The following DGKB variants were observed in gnomAD, a reference collection of about 807,000 sequenced individuals.
DGKB encodes diacylglycerol kinase beta, also known as 90 kDa diacylglycerol kinase.
A neutral mutation model predicts 114.3 loss-of-function variants in DGKB; 67 were observed. The ratio of observed to expected loss-of-function variants is 0.59; its 90% CI spans 0.48 to 0.72. The LOEUF (loss-of-function observed/expected upper bound fraction) is 0.72, where lower values mean the gene tolerates loss of function less well. DGKB is among the 30% of genes least tolerant of loss of function. The pLI, the probability that DGKB is intolerant of heterozygous loss-of-function variation, is 0.00. For synonymous variants in DGKB, 398 were observed against 323.1 expected, an observed-to-expected ratio of 1.23 and a Z score of -2.49; for missense variants, 907 against 975.2, an observed-to-expected ratio of 0.93 and a Z score of 0.93.
In DGKB at chr7:14,157,360, A is replaced by G. The variant is rs924602534; in HGVS notation, c.2305-8122T>C. The stretch of plus-strand genomic sequence containing the variant: ...AAGCAATGAAACATAACAATTTTCT[A>G]AAATCCTTTTGCCAGTTTTTTTTTT... On this transcript the variant is annotated intron_variant, in intron 25 of 25. Coordinates refer to ENST00000402815, the MANE Select transcript of DGKB (RefSeq NM_001350709.2). Among the ~76,000 whole-genome samples the G allele has an allele frequency of 3.9e-5, 5 of 128,878 alleles. No homozygotes were observed. The East Asian group carries it at 1.2e-3, about 32-fold the overall frequency. The allele number at this position is 128,878 out of a possible 152,430, so 84.5% of individuals were successfully genotyped here.
chr7:14,553,730 C>A (rs1584770227), intron 20 of DGKB, among the ~76,000 whole-genome samples: 1 of 152,176 alleles, frequency 6.6e-6, no homozygotes, highest in Admixed American at 6.5e-5. Flanking sequence ...ACAGTCCCAC[C>A]ACATTTTAAA....
At chr7:14,313,688 G>C (rs994386630) in intron 23 of DGKB, among the ~76,000 whole-genome samples, 3 of 152,000 alleles carry the variant, frequency 2.0e-5, no homozygotes, top group Non-Finnish European at 4.4e-5. Context: ...ACTGCAAGGC[G>C]GCAGCGAGGC....
chr7:14,769,133 GAGAAAGAA>G (rs1285648080), intron 2 of DGKB, among the ~76,000 whole-genome samples: 1 of 122,466 alleles, frequency 8.2e-6, no homozygotes, highest in South Asian at 2.6e-4. Context: ...AAGAGAGAGA[GAGAAAGAA>G]AGAAAGAAAG....
In DGKB at chr7:14,434,307, T is replaced by C. The variant is rs182813206; in HGVS notation, c.1835+43854A>G. ...TCTACAACCTATAAATATGTTTCCC[T>C]ATATAGTAAAGTGGGCTTTGAAGAT... On this transcript the variant is annotated intron_variant, in intron 21 of 25. Coordinates refer to ENST00000402815, the MANE Select transcript of DGKB (RefSeq NM_001350709.2). Among the ~76,000 whole-genome samples, 818 of 152,266 alleles carry C rather than the reference T, an allele frequency of 5.4e-3. 10 individuals carry two copies. Among genetic ancestry groups the C allele is most frequent in the Non-Finnish European group, 9.6e-3 (656 of 68,020 alleles).
At chr7:14,354,763 G>A (rs564238510) in intron 21 of DGKB, among the ~76,000 whole-genome samples, 2 of 152,206 alleles carry the variant, frequency 1.3e-5, no homozygotes, top group Admixed American at 1.3e-4. Flanking sequence ...ATAATTAATA[G>A]GATGTCTTAA....
intron 23 of DGKB, among the ~76,000 whole-genome samples, chr7:14,238,656 T>A (rs370376699): frequency 4.6e-5 from 7 of 151,978 alleles, no homozygotes; most frequent in Non-Finnish European, 2.9e-5. Context: ...GTTGTTGTCT[T>A]CTGTAGAGAG....
rs13307856 is a variant in DGKB, at chr7:14,359,841, C to A, written c.1836-14450G>T. Among the ~76,000 whole-genome samples, 3 of 152,014 alleles carry A rather than the reference C, an allele frequency of 2.0e-5. No homozygotes were observed. In the South Asian group the frequency reaches 6.2e-4, roughly 32 times the overall value. On this transcript the variant is annotated intron_variant, in intron 21 of 25. Coordinates refer to ENST00000402815, the MANE Select transcript of DGKB (RefSeq NM_001350709.2). ...AGATGCTGGAGAGGACGTGGAGAAA[C>A]AGGAATGCTTTTACACTGGTGGTGG... is the stretch of plus-strand genomic sequence containing the variant.
chr7:14,192,327 C>T, intron 23 of DGKB, among the ~76,000 whole-genome samples: 1 of 152,094 alleles, frequency 6.6e-6, no homozygotes, highest in African/African-American at 2.4e-5. Flanking sequence ...ATAGTGAACT[C>T]GCTGAAAAAG....
Position 14,697,844 on chromosome 7 carries a change from G to T in DGKB, c.591+251C>A, listed in dbSNP as rs191401280. On this transcript the variant is annotated intron_variant, in intron 8 of 25. Coordinates refer to ENST00000402815, the MANE Select transcript of DGKB (RefSeq NM_001350709.2). ...AAGGAGAGAGAGAGAAGGAAGGAAG[G>T]GAGAGAGAGAAGGAAGGAAGGAAGG... 3.0e-3 allele frequency among the ~76,000 whole-genome samples: 429 copies of T among 140,740 alleles called. 1 individual carries two copies. The highest frequency in any genetic ancestry group is 0.026 in the Middle Eastern group (6 of 230). 92.3% of individuals were successfully genotyped at this position (140,740 alleles called of 152,430 possible). A position where few individuals can be genotyped will look rare whatever the true frequency, so the allele number is the denominator to read the frequency against.
At position 14,859,079 on chromosome 7, in the gene DGKB, G is replaced by GGA. The variant is rs1250118561; in HGVS notation, c.-187-17631_-187-17630dup. ...GGAAGTGGAATCAAAGTCTGACCTGGGATTATGTGTTGTTCACCAGGAGCA... is the reference window on the plus strand; with the variant it reads ...GGAAGTGGAATCAAAGTCTGACCTGGGAGATTATGTGTTGTTCACCAGGAGCA... On this transcript the variant is annotated intron_variant, in intron 1 of 25. Coordinates refer to ENST00000402815, the MANE Select transcript of DGKB (RefSeq NM_001350709.2). 5.9e-5 allele frequency among the ~76,000 whole-genome samples: 9 copies of GGA among 152,176 alleles called. No homozygotes were observed. The East Asian group carries it at 1.5e-3, about 26-fold the overall frequency.
Position 14,404,577 on chromosome 7 carries a change from C to A in DGKB, c.1836-59186G>T, listed in dbSNP as rs138489026. 4.2e-3 allele frequency among the ~76,000 whole-genome samples: 644 copies of A among 152,000 alleles called. 6 individuals carry two copies. The highest frequency in any genetic ancestry group is 0.01 in the Middle Eastern group (3 of 294). On this transcript the variant is annotated intron_variant, in intron 21 of 25. Transcript: ENST00000402815. ...ACATTTACCGAGTAGCCACTCTGTGCCAGAATCTAAGCCTAATTATGGAAA... is the reference window on the plus strand; with the variant it reads ...ACATTTACCGAGTAGCCACTCTGTGACAGAATCTAAGCCTAATTATGGAAA...
intron 23 of DGKB, among the ~76,000 whole-genome samples, chr7:14,273,560 A>G (rs932080454): frequency 1.3e-5 from 2 of 152,202 alleles, no homozygotes; most frequent in Admixed American, 6.5e-5. Flanking sequence ...ACATTGTTGT[A>G]TTGACACAAG....
chr7:14,454,470 T>C (rs1013376200), intron 21 of DGKB, among the ~76,000 whole-genome samples: 3 of 152,110 alleles, frequency 2.0e-5, no homozygotes, highest in African/African-American at 7.2e-5. Context: ...TGTGAGATTG[T>C]CTTAAGAAAA....
intron 1 of DGKB, among the ~76,000 whole-genome samples, chr7:14,884,594 T>C (rs562626753): frequency 1.1e-3 from 171 of 152,076 alleles, no homozygotes; most frequent in Admixed American, 4.0e-3. Context: ...CTCTGCTCCT[T>C]GAGCACATTT....
intron 21 of DGKB, among the ~76,000 whole-genome samples, chr7:14,474,794 A>C (rs1781927278): frequency 6.6e-6 from 1 of 151,156 alleles, no homozygotes; most frequent in Non-Finnish European, 1.5e-5. Context: ...TTATGTAATA[A>C]ATAGTTTAAA....
intron 1 of DGKB, among the ~76,000 whole-genome samples, chr7:14,953,152 T>C (rs1786302939): frequency 6.6e-6 from 1 of 152,080 alleles, no homozygotes; most frequent in African/African-American, 2.4e-5. Flanking sequence ...GATTTGCCAA[T>C]AGCTTCTTAG....
intron 21 of DGKB, among the ~76,000 whole-genome samples, chr7:14,448,641 C>T (rs1831047018): frequency 6.6e-6 from 1 of 151,854 alleles, no homozygotes; most frequent in African/African-American, 2.4e-5. Flanking sequence ...AATACTTTTG[C>T]AAAAAACAAG....
chr7:14,364,021 T>C (rs1016606310), intron 21 of DGKB, among the ~76,000 whole-genome samples: 4 of 152,088 alleles, frequency 2.6e-5, no homozygotes, highest in Non-Finnish European at 5.9e-5. Flanking sequence ...CAAGTTTCTA[T>C]AGTACAGGTC....
intron 23 of DGKB, among the ~76,000 whole-genome samples, chr7:14,204,906 C>T (rs1368095832): frequency 6.6e-6 from 1 of 151,960 alleles, no homozygotes; most frequent in Non-Finnish European, 1.5e-5. Flanking sequence ...TATTTGGAAA[C>T]ACTTTAAGCA....
Sources: gnomAD v4.1 joint callset for allele counts (sites outside exome capture counted in the v4.1 genomes callset) on GRCh38, gnomAD v4.1.1 for gene constraint, MANE v1.5 for transcripts, NCBI Gene and HGNC (gene_info 2026-07-23, HGNC 2026-07-21) for gene names.